TENM1: variants seen among roughly 807,000 people sequenced by gnomAD.
TENM1 encodes teneurin-1.
In TENM1, 35 loss-of-function variants were observed where a neutral mutation model predicts 174.8. That is an observed-to-expected ratio of 0.20 (90% CI 0.15 to 0.27). The LOEUF is 0.27. Among genes scored for constraint, TENM1 ranks in the 10% least tolerant of loss-of-function variants. The pLI is 1.00. For synonymous variants in TENM1, 781 were observed against 798.7 expected, an observed-to-expected ratio of 0.98 and a Z score of 0.37; for missense variants, 1,633 against 2,130.1, an observed-to-expected ratio of 0.77 and a Z score of 4.59.
intron 11 of TENM1, among the ~76,000 whole-genome samples, chrX:124,584,371 G>A (rs1379516078): frequency 3.6e-5 from 4 of 110,210 alleles, no homozygotes; most frequent in East Asian, 2.9e-4. Context: ...AGAGAGTGGG[G>A]GCCAATATTC....
At chrX:124,450,814 G>A (rs1314734083) in intron 23 of TENM1, among the ~76,000 whole-genome samples, 2 of 111,986 alleles carry the variant, frequency 1.8e-5, no homozygotes, top group African/African-American at 3.2e-5. Flanking sequence ...GAAGGCATGG[G>A]CATGTGACTC....
the TENM1 span, among the ~76,000 whole-genome samples, chrX:125,187,673 C>T: frequency 5.4e-5 from 6 of 111,273 alleles, no homozygotes; most frequent in African/African-American, 1.3e-4. Context: ...AAGGGGACTA[C>T]ACATTTTTCT....
intron 11 of TENM1, among the ~76,000 whole-genome samples, chrX:124,603,134 G>A (rs754013529): frequency 6.5e-4 from 72 of 110,906 alleles, no homozygotes; most frequent in Non-Finnish European, 1.1e-3. Flanking sequence ...GTCTCCAGAG[G>A]GAGTGTGGAC....
the TENM1 span, among the ~76,000 whole-genome samples, chrX:125,015,525 G>A: frequency 8.9e-6 from 1 of 111,810 alleles, no homozygotes. Flanking sequence ...TCAACCTATG[G>A]TAGTGACAGC....
intron 11 of TENM1, among the ~76,000 whole-genome samples, chrX:124,588,067 T>C (rs1051012849): frequency 1.6e-4 from 18 of 111,637 alleles, no homozygotes; most frequent in African/African-American, 5.2e-4. Flanking sequence ...TGTGGAGAAA[T>C]AGGAACACTT....
the TENM1 span, among the ~76,000 whole-genome samples, chrX:125,003,736 A>G: frequency 1.8e-5 from 2 of 111,925 alleles, no homozygotes; most frequent in African/African-American, 6.5e-5. Flanking sequence ...GCTTTTAAAC[A>G]TGCTTCAGGC....
intron 24 of TENM1, 32 bp downstream of exon 27, chrX:124,422,240 G>A (rs1264146060): frequency 8.5e-7 from 1 of 1,181,263 alleles, no homozygotes. Context: ...AAACAGAGAG[G>A]GGAAGCTGGT....
At chrX:124,926,739 T>C (rs1039389791) in intron 1 of TENM1, among the ~76,000 whole-genome samples, 1 of 112,145 alleles carries the variant, frequency 8.9e-6, no homozygotes, top group Non-Finnish European at 1.9e-5. Flanking sequence ...TCCAAGCTCA[T>C]AAACCAAGTT....
At chrX:124,380,784 T>G (rs1162971781) in exon 32 of TENM1, 1 of 1,211,649 alleles carries the variant, frequency 8.3e-7, no homozygotes, top group African/African-American at 1.7e-5. Flanking sequence ...AACACGTGAT[T>G]CTTTTCCTCT....
At chrX:125,101,983 T>G in the TENM1 span, among the ~76,000 whole-genome samples, 2 of 111,593 alleles carry the variant, frequency 1.8e-5, no homozygotes, top group Non-Finnish European at 3.8e-5. Flanking sequence ...AGACAAGACT[T>G]ACATCCAAAG....
exon 32 of TENM1, chrX:124,377,496 A>G (rs1387567361): frequency 8.9e-6 from 1 of 112,059 alleles, no homozygotes; most frequent in Non-Finnish European, 1.9e-5. Context: ...GCTTCTAATC[A>G]ATAACGATTA....
chrX:124,971,015 T>C, the TENM1 span, among the ~76,000 whole-genome samples: 1 of 107,132 alleles, frequency 9.3e-6, no homozygotes, highest in Admixed American at 1.0e-4. Context: ...AAACCATCAT[T>C]CTCAGCAAAC....
intron 20 of TENM1, among the ~76,000 whole-genome samples, chrX:124,490,280 T>C (rs1047063403): frequency 1.8e-5 from 2 of 111,507 alleles, no homozygotes; most frequent in Non-Finnish European, 3.8e-5. Context: ...ATACATGAGA[T>C]CAAACTGGGG....
the TENM1 span, among the ~76,000 whole-genome samples, chrX:125,013,223 C>G: frequency 8.9e-6 from 1 of 111,742 alleles, no homozygotes; most frequent in African/African-American, 3.2e-5. Context: ...GAAGACTATA[C>G]TGATTGTCAA....
At chrX:124,664,532 GAAAA>G (rs779501054) in intron 6 of TENM1, among the ~76,000 whole-genome samples, 26 of 29,274 alleles carry the variant, frequency 8.9e-4, no homozygotes, top group Non-Finnish European at 1.4e-3. Context: ...TAAAGCAAAA[GAAAA>G]AAAAAAAAAA....
At chrX:124,858,899 T>G (rs5956707) in intron 3 of TENM1, among the ~76,000 whole-genome samples, 9,912 of 110,708 alleles carry the variant, frequency 0.09, 1,084 homozygotes, top group African/African-American at 0.31. Flanking sequence ...TAATGGCTTG[T>G]TCTATAGATG....
chrX:124,928,865 A>C (rs191928603), intron 1 of TENM1, among the ~76,000 whole-genome samples: 1 of 111,582 alleles, frequency 9.0e-6, no homozygotes, highest in African/African-American at 3.2e-5. Context: ...ACCTTTCATC[A>C]TCACACGTCT....
chrX:124,412,470 A>C lies in TENM1; in HGVS notation c.4983-5981T>G, dbSNP rs184473889. 2.7e-4 allele frequency among the ~76,000 whole-genome samples: 30 copies of C among 112,389 alleles called. No individual in the cohort carries two copies. In the East Asian group the frequency reaches 8.1e-3, roughly 30 times the overall value. On this transcript the variant is annotated intron_variant, in intron 25 of 31. Transcript: ENST00000422452. ...CCAGAGTTAAACTGTTCAAGATAAAACTAGAGGCTCCCACACCTTTGCTTT... is the reference window on the plus strand; with the variant it reads ...CCAGAGTTAAACTGTTCAAGATAAACCTAGAGGCTCCCACACCTTTGCTTT...
chrX:124,613,046 C>T (rs2050315358), intron 11 of TENM1, among the ~76,000 whole-genome samples: 1 of 111,320 alleles, frequency 9.0e-6, no homozygotes, highest in Admixed American at 9.5e-5. Flanking sequence ...CTTTCATTGC[C>T]TTCTACAATG....
Sources: gnomAD v4.1 joint callset for allele counts (sites outside exome capture counted in the v4.1 genomes callset) on GRCh38, gnomAD v4.1.1 for gene constraint, MANE v1.5 for transcripts, NCBI Gene and HGNC (gene_info 2026-07-23, HGNC 2026-07-21) for gene names.